UBTD2: variants seen among roughly 807,000 people sequenced by gnomAD.
UBTD2 encodes the protein ubiquitin domain containing 2.
In UBTD2, 9 loss-of-function variants were observed where a neutral mutation model predicts 19.8. The observed-to-expected ratio is 0.46, with a 90% CI of 0.27 to 0.79. The LOEUF (loss-of-function observed/expected upper bound fraction) is 0.79. Among genes scored for constraint, UBTD2 ranks in the 30% least tolerant of loss-of-function variants. The pLI, the probability that UBTD2 is intolerant of heterozygous loss-of-function variation, is 0.14. For synonymous variants in UBTD2, 98 were observed against 103.9 expected, an observed-to-expected ratio of 0.94 and a Z score of 0.35; for missense variants, 250 against 300.4, an observed-to-expected ratio of 0.83 and a Z score of 1.24.
intron 1 of UBTD2, among the ~76,000 whole-genome samples, chr5:172,254,179 A>C (rs929908687): frequency 2.2e-4 from 33 of 152,046 alleles, no homozygotes; most frequent in Non-Finnish European, 3.8e-4. Flanking sequence ...GGCTCACTAC[A>C]ACCTCTGCCT....
intron 1 of UBTD2, chr5:172,255,501 C>T (rs779158949): frequency 1.8e-5 from 6 of 340,428 alleles, no homozygotes; most frequent in Non-Finnish European, 3.6e-5. Context: ...ACGCCGCCCA[C>T]GAGAAATAAA....
chr5:172,259,762 A>G (rs1755229498), intron 1 of UBTD2, among the ~76,000 whole-genome samples: 1 of 152,060 alleles, frequency 6.6e-6, no homozygotes, highest in African/African-American at 2.4e-5. Flanking sequence ...GACTGTATCA[A>G]CAGTAAATGG....
chr5:172,222,963 G>A (rs1459056546), intron 2 of UBTD2, among the ~76,000 whole-genome samples: 1 of 152,160 alleles, frequency 6.6e-6, no homozygotes, highest in Non-Finnish European at 1.5e-5. Context: ...CCTGCTGACT[G>A]TTTTATCATC....
chr5:172,247,523 C>T (rs1451522824), intron 1 of UBTD2, among the ~76,000 whole-genome samples: 3 of 152,086 alleles, frequency 2.0e-5, no homozygotes, highest in Non-Finnish European at 2.9e-5. Flanking sequence ...CAAAAAACAA[C>T]CACCACCACC....
chr5:172,255,578 G>A (rs922431273), intron 1 of UBTD2: 17 of 255,856 alleles, frequency 6.6e-5, no homozygotes, highest in South Asian at 3.3e-4. Context: ...CGGCGTTGAC[G>A]GCAGGGGACA....
chr5:172,221,735 T>C (rs539734149), intron 2 of UBTD2, among the ~76,000 whole-genome samples: 1 of 152,266 alleles, frequency 6.6e-6, no homozygotes, highest in South Asian at 2.1e-4. Context: ...AGAGGATTTT[T>C]TAGGATAGTG....
At chr5:172,244,880 C>T (rs190497712) in intron 1 of UBTD2, among the ~76,000 whole-genome samples, 3 of 152,174 alleles carry the variant, frequency 2.0e-5, no homozygotes, top group African/African-American at 7.2e-5. Context: ...AGGCACCTGC[C>T]ACCACGCCCG....
chr5:172,266,944 T>C (rs1282674686), intron 1 of UBTD2, among the ~76,000 whole-genome samples: 2 of 151,042 alleles, frequency 1.3e-5, no homozygotes, highest in South Asian at 2.1e-4. Flanking sequence ...AGAGGCTGCC[T>C]GAGGCAGGGG....
At chr5:172,223,616 A>AAAAAAG (rs1491065973) in intron 2 of UBTD2, among the ~76,000 whole-genome samples, 1 of 136,028 alleles carries the variant, frequency 7.4e-6, no homozygotes, top group African/African-American at 2.8e-5. Flanking sequence ...AAAAAAAAAA[A>AAAAAAG]AGCACACTTA....
intron 1 of UBTD2, among the ~76,000 whole-genome samples, chr5:172,277,067 C>CAAAA (rs56277139): frequency 2.2e-3 from 144 of 65,096 alleles, no homozygotes; most frequent in Non-Finnish European, 3.1e-3. Context: ...GACTCTGTCT[C>CAAAA]AAAAAAAAAA....
chr5:172,254,940 T>C, intron 1 of UBTD2: 2 of 523,518 alleles, frequency 3.8e-6, no homozygotes, highest in South Asian at 1.8e-5. Flanking sequence ...AAGGAGACCA[T>C]GAGAGGCTCC....
chr5:172,244,532 A>T (rs1318667888), intron 1 of UBTD2, among the ~76,000 whole-genome samples: 4 of 151,580 alleles, frequency 2.6e-5, no homozygotes, highest in Non-Finnish European at 5.9e-5. Flanking sequence ...TCCCAACCTT[A>T]GATGATCCGC....
Position 172,248,747 on chromosome 5 carries a change from G to A in UBTD2, c.71-14389C>T, listed in dbSNP as rs1369112535. On this transcript the variant is annotated intron_variant, in intron 1 of 2. Coordinates refer to ENST00000393792, the MANE Select transcript of UBTD2 (RefSeq NM_152277.3). ...ACTGTATTCCAGCCTAGGTGACAGA[G>A]CAAGATCCTGTCTCAAAAAAAAAAA... Among the ~76,000 whole-genome samples the A allele has an allele frequency of 2.7e-5, 4 of 150,902 alleles. No homozygotes were observed. In the East Asian group the frequency reaches 7.8e-4, roughly 29 times the overall value.
At chr5:172,256,477 C>T (rs1340317361) in intron 1 of UBTD2, among the ~76,000 whole-genome samples, 1 of 151,206 alleles carries the variant, frequency 6.6e-6, no homozygotes, top group Non-Finnish European at 1.5e-5. Context: ...AAGTATACTC[C>T]TTTTTTAGTC....
intron 2 of UBTD2, among the ~76,000 whole-genome samples, chr5:172,233,388 G>A (rs922358770): frequency 4.6e-5 from 7 of 152,124 alleles, no homozygotes; most frequent in Middle Eastern, 6.8e-3. Flanking sequence ...AATAAAAAAT[G>A]TAAATACAAA....
chr5:172,233,850 T>C (rs889633998), intron 2 of UBTD2, among the ~76,000 whole-genome samples: 3 of 151,970 alleles, frequency 2.0e-5, no homozygotes, highest in Non-Finnish European at 4.4e-5. Context: ...CATGGAGGAC[T>C]AGGTTACACG....
intron 1 of UBTD2, among the ~76,000 whole-genome samples, chr5:172,239,405 T>C (rs1313698284): frequency 6.6e-6 from 1 of 151,758 alleles, no homozygotes; most frequent in African/African-American, 2.4e-5. Flanking sequence ...CTGGCCAACA[T>C]GGTGAAACCC....
intron 2 of UBTD2, among the ~76,000 whole-genome samples, chr5:172,221,424 C>T (rs192529580): frequency 6.6e-6 from 1 of 152,240 alleles, no homozygotes; most frequent in Non-Finnish European, 1.5e-5. Flanking sequence ...ACTGCTTGAG[C>T]CCAGCAGTTT....
intron 1 of UBTD2, among the ~76,000 whole-genome samples, chr5:172,241,748 C>A (rs913656306): frequency 6.6e-6 from 1 of 152,190 alleles, no homozygotes; most frequent in Middle Eastern, 3.4e-3. Flanking sequence ...GGTGTGCTGG[C>A]TCATACCTCT....
Sources: allele counts gnomAD v4.1 joint callset (sites outside exome capture counted in the v4.1 genomes callset), GRCh38; gene constraint gnomAD v4.1.1; transcripts MANE v1.5; gene names NCBI Gene and HGNC (gene_info 2026-07-23, HGNC 2026-07-21).